ABCB1: variants seen among roughly 807,000 people sequenced by gnomAD.
ABCB1 encodes ATP binding cassette subfamily B member 1.
In ABCB1, 69 loss-of-function variants were observed where a neutral mutation model predicts 142.0. That is an observed-to-expected ratio of 0.49 (90% confidence interval 0.40 to 0.59). The LOEUF (loss-of-function observed/expected upper bound fraction) is 0.59, where lower values mean the gene tolerates loss of function less well. ABCB1 is among the 20% of genes least tolerant of loss of function. The pLI is 0.00. For synonymous variants in ABCB1, 532 were observed against 539.2 expected (o/e 0.99, Z 0.18); for missense variants, 1,326 against 1,554.7 (o/e 0.85, Z 2.47).
chr7:87,664,326 G>T (rs923837586), intron 1 of ABCB1, among the ~76,000 whole-genome samples: 4 of 151,886 alleles, frequency 2.6e-5, no homozygotes, highest in African/African-American at 9.7e-5. Context: ...AACACAGCAA[G>T]ATACCATCTC....
At chr7:87,581,263 C>T (rs1818494447) in intron 4 of ABCB1, among the ~76,000 whole-genome samples, 2 of 152,018 alleles carry the variant, frequency 1.3e-5, no homozygotes, top group Admixed American at 6.6e-5. Context: ...AGCTTCTAGT[C>T]CTGTTCTTTA....
chr7:87,537,014 A>G, intron 19 of ABCB1: 1 of 195,644 alleles, frequency 5.1e-6, no homozygotes, highest in Middle Eastern at 2.3e-3. Context: ...CAGCATGTGC[A>G]AAGACCCTGA....
chr7:87,671,745 A>G (rs1825843378), intron 1 of ABCB1, among the ~76,000 whole-genome samples: 1 of 152,170 alleles, frequency 6.6e-6, no homozygotes, highest in African/African-American at 2.4e-5. Flanking sequence ...TTGGTAGAGC[A>G]GCTGTTCCGT....
chr7:87,549,669 G>A, intron 13 of ABCB1, 151 bp from the exon 14 acceptor site: 1 of 1,409,092 alleles, frequency 7.1e-7, no homozygotes, highest in Middle Eastern at 1.8e-4. Flanking sequence ...ACCAACCTCA[G>A]TTTTTAAAAA....
At chr7:87,552,326 T>C (rs1817107923) in intron 9 of ABCB1, among the ~76,000 whole-genome samples, 1 of 152,210 alleles carries the variant, frequency 6.6e-6, no homozygotes, top group South Asian at 2.1e-4. Flanking sequence ...TGCTAAGTGA[T>C]TCTATATTCA....
chr7:87,546,768 A>G (rs958951908), intron 14 of ABCB1, among the ~76,000 whole-genome samples: 1 of 152,140 alleles, frequency 6.6e-6, no homozygotes, highest in Non-Finnish European at 1.5e-5. Flanking sequence ...GTGAGGCAGC[A>G]AAGTCCAGAC....
intron 1 of ABCB1, among the ~76,000 whole-genome samples, chr7:87,623,215 G>C (rs1289351993): frequency 2.0e-5 from 3 of 152,154 alleles, no homozygotes; most frequent in Non-Finnish European, 4.4e-5. Context: ...GAACGGTTCT[G>C]ATGATTAATT....
At chr7:87,587,269 C>A (rs1818798573) in intron 3 of ABCB1, among the ~76,000 whole-genome samples, 1 of 152,156 alleles carries the variant, frequency 6.6e-6, no homozygotes, top group Non-Finnish European at 1.5e-5. Context: ...GAAAAAATTT[C>A]TCCCATCACC....
chr7:87,539,773 A>C (rs751781702), intron 18 of ABCB1, among the ~76,000 whole-genome samples: 4 of 152,136 alleles, frequency 2.6e-5, no homozygotes, highest in Non-Finnish European at 4.4e-5. Flanking sequence ...TAACTCATAG[A>C]CTTTGTTCTC....
Position 87,565,014 on chromosome 7 carries a change from T to G in ABCB1, c.702+1056A>C, listed in dbSNP as rs28381851. Among the ~76,000 whole-genome samples, 835 of 152,330 alleles carry G rather than the reference T, an allele frequency of 5.5e-3. 6 individuals carry two copies. The highest frequency in any genetic ancestry group is 0.019 in the African/African-American group (796 of 41,580). On this transcript the variant is annotated intron_variant, in intron 7 of 27. Transcript: ENST00000622132. Reference sequence around the variant, plus strand: ...AAACATTATTTGAACTCTATGTTACTCTGAGCAAAAAATTAACAGAGACCT... The same window carrying G: ...AAACATTATTTGAACTCTATGTTACGCTGAGCAAAAAATTAACAGAGACCT...
chr7:87,694,985 A>C (rs1418956694), intron 1 of ABCB1, among the ~76,000 whole-genome samples: 2 of 152,138 alleles, frequency 1.3e-5, no homozygotes, highest in African/African-American at 4.8e-5. Flanking sequence ...TTACATTGTC[A>C]ATACCAAAGG....
chr7:87,629,694 G>A (rs990213517), intron 1 of ABCB1, among the ~76,000 whole-genome samples: 4 of 152,136 alleles, frequency 2.6e-5, no homozygotes, highest in Non-Finnish European at 5.9e-5. Flanking sequence ...TTGGGAGGCT[G>A]AGGCGGGCGG....
In ABCB1 at chr7:87,677,397, A is replaced by T. The variant is rs999523585; in HGVS notation, c.-331+35764T>A. ...AACAGATGAACCTGGAGGTCAATAA[A>T]CTACATGAAATATGCAAGACACAGA... On this transcript the variant is annotated intron_variant, in intron 1 of 28. Transcript: ENST00000265724. Among the ~76,000 whole-genome samples, 10 of 152,200 alleles carry T rather than the reference A, an allele frequency of 6.6e-5. No individual in the cohort carries two copies. In the East Asian group the frequency reaches 1.9e-3, roughly 29 times the overall value.
chr7:87,558,696 A>G (rs1455891563), intron 8 of ABCB1, among the ~76,000 whole-genome samples: 5 of 152,094 alleles, frequency 3.3e-5, no homozygotes, highest in Admixed American at 6.5e-5. Context: ...AAGTGTTAAA[A>G]TATTTTTAAT....
intron 1 of ABCB1, among the ~76,000 whole-genome samples, chr7:87,710,219 TTTAA>T (rs1829945925): frequency 6.6e-6 from 1 of 152,172 alleles, no homozygotes; most frequent in African/African-American, 2.4e-5. Flanking sequence ...GAGGGCTCAT[TTTAA>T]TTAGTTTGTT....
chr7:87,576,861 G>T (rs1387160493), intron 4 of ABCB1, among the ~76,000 whole-genome samples: 4 of 151,906 alleles, frequency 2.6e-5, no homozygotes, highest in Admixed American at 6.6e-5. Context: ...TCACATTAGG[G>T]TGAATGGGGT....
intron 1 of ABCB1, among the ~76,000 whole-genome samples, chr7:87,626,270 G>T (rs1966314): frequency 0.017 from 478 of 28,564 alleles, 149 homozygotes; most frequent in South Asian, 0.035. Context: ...TGTCATATAT[G>T]TGTCATATAT....
At chr7:87,521,726 G>A (rs1328924082) in intron 21 of ABCB1, 6 of 946,444 alleles carry the variant, frequency 6.3e-6, no homozygotes, top group Non-Finnish European at 8.5e-6. Flanking sequence ...GAACCAAAGA[G>A]AGCTGTCTCA....
chr7:87,547,128 T>C (rs971079991), intron 14 of ABCB1, among the ~76,000 whole-genome samples: 5 of 152,232 alleles, frequency 3.3e-5, no homozygotes, highest in African/African-American at 1.2e-4. Context: ...TAATTTTTGT[T>C]ACTCTATATG....
Sources: gnomAD v4.1 joint callset for allele counts (sites outside exome capture counted in the v4.1 genomes callset) on GRCh38, gnomAD v4.1.1 for gene constraint, MANE v1.5 for transcripts, NCBI Gene and HGNC (gene_info 2026-07-23, HGNC 2026-07-21) for gene names.